CACNA2D3: variants seen among roughly 807,000 people sequenced by gnomAD.
CACNA2D3 encodes the protein voltage-dependent calcium channel subunit alpha-2/delta-3.
Under a neutral mutation model 160.6 loss-of-function variants are expected in CACNA2D3, and 60 were observed. The ratio of observed to expected loss-of-function variants is 0.37; its 90% CI spans 0.30 to 0.46. The LOEUF (loss-of-function observed/expected upper bound fraction) is 0.46. Ranked by LOEUF, CACNA2D3 falls within the 20% of genes least tolerant of loss-of-function variation. The probability of loss-of-function intolerance (pLI) is 1.00; values close to 1 mark genes in which losing one functional copy is unlikely to be tolerated. For synonymous variants in CACNA2D3, 558 were observed against 492.9 expected (o/e 1.13, Z -1.75); for missense variants, 1,205 against 1,365.0 (o/e 0.88, Z 1.85).
At chr3:54,865,653 G>T (rs1344857643) in intron 17 of CACNA2D3, among the ~76,000 whole-genome samples, 1 of 152,180 alleles carries the variant, frequency 6.6e-6, no homozygotes, top group Non-Finnish European at 1.5e-5. Context: ...AAAGGAATAG[G>T]GCTATTTATA....
chr3:54,392,793 A>C (rs1277336540), intron 4 of CACNA2D3, among the ~76,000 whole-genome samples: 1 of 152,170 alleles, frequency 6.6e-6, no homozygotes, highest in African/African-American at 2.4e-5. Flanking sequence ...GTGTTGAAGG[A>C]AACCCAGGAA....
At chr3:54,949,801 C>CT (rs1276841272) in intron 27 of CACNA2D3, among the ~76,000 whole-genome samples, 2 of 46,146 alleles carry the variant, frequency 4.3e-5, no homozygotes, top group Non-Finnish European at 9.5e-5. Flanking sequence ...GGATGGAAGA[C>CT]TTTTTTTGCC....
intron 35 of CACNA2D3, among the ~76,000 whole-genome samples, chr3:55,063,047 G>C (rs1043604211): frequency 5.3e-5 from 8 of 152,208 alleles, no homozygotes; most frequent in African/African-American, 1.9e-4. Flanking sequence ...AACATGTCAT[G>C]GGAGAATGGA....
chr3:54,880,385 C>G (rs541084465), intron 20 of CACNA2D3, among the ~76,000 whole-genome samples: 1 of 152,118 alleles, frequency 6.6e-6, no homozygotes, highest in Admixed American at 6.5e-5. Flanking sequence ...TTGTTTTTGC[C>G]CTTGAGCAGG....
intron 27 of CACNA2D3, among the ~76,000 whole-genome samples, chr3:54,921,029 A>G (rs1430410355): frequency 6.6e-6 from 1 of 151,404 alleles, no homozygotes; most frequent in South Asian, 2.1e-4. Flanking sequence ...CCGGGATGCA[A>G]CTCCCACTCT....
rs149515122 is a variant in CACNA2D3 at position 54,249,558 on chromosome 3, T to TACACACACACACACACACACACACAC, written c.205-70879_205-70854dup. Among the ~76,000 whole-genome samples, 532 of 123,824 alleles carry TACACACACACACACACACACACACAC rather than the reference T, an allele frequency of 4.3e-3. 21 individuals are homozygous for TACACACACACACACACACACACACAC. Among genetic ancestry groups the TACACACACACACACACACACACACAC allele is most frequent in the East Asian group, 0.012 (48 of 4,160 alleles). The allele number at this position is 123,824 out of a possible 152,430, so 81.2% of individuals were successfully genotyped here. On this transcript the variant is annotated intron_variant, in intron 2 of 37. Coordinates refer to ENST00000474759, the MANE Select transcript of CACNA2D3 (RefSeq NM_018398.3). The stretch of plus-strand genomic sequence containing the variant: ...CTTAGAATAAATGTCTCTGTTTACG[T>TACACACACACACACACACACACACAC]ACACACACACACACACACACACACA...
intron 4 of CACNA2D3, among the ~76,000 whole-genome samples, chr3:54,388,961 A>G (rs1034691527): frequency 1.3e-5 from 2 of 152,216 alleles, no homozygotes; most frequent in African/African-American, 2.4e-5. Flanking sequence ...GAATAAAATA[A>G]GAATCCATGA....
intron 35 of CACNA2D3, among the ~76,000 whole-genome samples, chr3:55,055,040 T>C (rs1300548691): frequency 1.3e-5 from 2 of 152,094 alleles, no homozygotes; most frequent in Non-Finnish European, 2.9e-5. Flanking sequence ...TCTGGATTTT[T>C]GAATTTTAAC....
At chr3:54,724,708 T>A (rs963216240) in intron 11 of CACNA2D3, among the ~76,000 whole-genome samples, 12 of 152,184 alleles carry the variant, frequency 7.9e-5, no homozygotes, top group African/African-American at 2.9e-4. Context: ...AACAGAGATG[T>A]TCTTTGAAAC....
intron 31 of CACNA2D3, among the ~76,000 whole-genome samples, chr3:54,994,763 C>T (rs1210355302): frequency 6.6e-6 from 1 of 152,038 alleles, no homozygotes; most frequent in African/African-American, 2.4e-5. Flanking sequence ...GTGGAGGCTC[C>T]CAGCAACTTG....
At chr3:54,818,703 C>G (rs1421038614) in intron 14 of CACNA2D3, among the ~76,000 whole-genome samples, 1 of 152,140 alleles carries the variant, frequency 6.6e-6, no homozygotes, top group Non-Finnish European at 1.5e-5. Context: ...TTCCCTGTCT[C>G]CGAATGATGT....
rs141044472 is a variant in CACNA2D3, at chr3:54,526,910, T to A, written c.544+23256T>A. 1.1e-4 allele frequency among the ~76,000 whole-genome samples: 17 copies of A among 152,302 alleles called. No individual in the cohort carries two copies. The East Asian group carries it at 3.3e-3, about 29-fold the overall frequency. Reference sequence around the variant, plus strand: ...TTCACCATGTTGGTTAGGCTGGTCTTCAACTGCTGATCTCAGGTGATCTGC... The same window carrying A: ...TTCACCATGTTGGTTAGGCTGGTCTACAACTGCTGATCTCAGGTGATCTGC... On this transcript the variant is annotated intron_variant, in intron 5 of 37. Transcript: ENST00000474759.
chr3:54,516,015 G>T (rs1291323655), intron 5 of CACNA2D3, among the ~76,000 whole-genome samples: 2 of 152,226 alleles, frequency 1.3e-5, no homozygotes, highest in African/African-American at 4.8e-5. Flanking sequence ...CCTCTGCTTA[G>T]ATCCATTGTC....
At chr3:54,709,746 G>A (rs1006479745) in intron 11 of CACNA2D3, among the ~76,000 whole-genome samples, 7 of 152,104 alleles carry the variant, frequency 4.6e-5, no homozygotes, top group African/African-American at 1.4e-4. Context: ...GTAGCATAGC[G>A]AGACCCTATC....
intron 35 of CACNA2D3, among the ~76,000 whole-genome samples, chr3:55,038,488 C>T (rs1340486093): frequency 6.6e-6 from 1 of 152,060 alleles, no homozygotes; most frequent in Non-Finnish European, 1.5e-5. Context: ...TTTGCATCTA[C>T]AGGTGTGAAC....
chr3:54,630,699 C>G (rs1465113217), intron 10 of CACNA2D3, among the ~76,000 whole-genome samples: 4 of 152,160 alleles, frequency 2.6e-5, no homozygotes, highest in African/African-American at 7.2e-5. Flanking sequence ...AAGGTGTATT[C>G]ACACTTTCAC....
chr3:54,861,604 G>A (rs992930008), intron 17 of CACNA2D3, among the ~76,000 whole-genome samples: 1 of 152,228 alleles, frequency 6.6e-6, no homozygotes, highest in Non-Finnish European at 1.5e-5. Context: ...TGGATTGGAA[G>A]GGTTAGAGTA....
At chr3:54,894,720 A>C (rs1700146490) in intron 25 of CACNA2D3, 1 of 472,120 alleles carries the variant, frequency 2.1e-6, no homozygotes, top group Non-Finnish European at 4.2e-6. Context: ...GCTCCTCCTC[A>C]CACCGTCCAG....
At chr3:54,458,928 C>A (rs1047713425) in intron 4 of CACNA2D3, among the ~76,000 whole-genome samples, 1 of 152,044 alleles carries the variant, frequency 6.6e-6, no homozygotes, top group African/African-American at 2.4e-5. Context: ...CCAACTTCCC[C>A]CACCCCACAA....
Sources: gnomAD v4.1 joint callset for allele counts (sites outside exome capture counted in the v4.1 genomes callset) on GRCh38, gnomAD v4.1.1 for gene constraint, MANE v1.5 for transcripts, NCBI Gene and HGNC (gene_info 2026-07-23, HGNC 2026-07-21) for gene names.